The following ADARB1 variants were observed in gnomAD, a reference collection of about 807,000 sequenced individuals.
ADARB1 encodes the protein double-stranded RNA-specific editase 1.
Under a neutral mutation model 52.4 loss-of-function variants are expected in ADARB1, and 10 were observed. The observed-to-expected ratio is 0.19, with a 90% CI of 0.12 to 0.32. The LOEUF (loss-of-function observed/expected upper bound fraction) is 0.32. Among genes scored for constraint, ADARB1 ranks in the 10% least tolerant of loss-of-function variants. ADARB1 has a pLI of 1.00. For synonymous variants in ADARB1, 349 were observed against 371.1 expected, an observed-to-expected ratio of 0.94 and a Z score of 0.68; for missense variants, 643 against 922.3, an observed-to-expected ratio of 0.70 and a Z score of 3.92.
intron 8 of ADARB1, among the ~76,000 whole-genome samples, chr21:45,188,127 G>A (rs1231025165): frequency 6.6e-6 from 1 of 151,336 alleles, no homozygotes; most frequent in Non-Finnish European, 1.5e-5. Context: ...TTTTTTTTGA[G>A]ATGGAGTCTC....
chr21:45,190,008 G>A (rs1402672092), intron 8 of ADARB1, among the ~76,000 whole-genome samples: 3 of 152,058 alleles, frequency 2.0e-5, no homozygotes, highest in African/African-American at 2.4e-5. Context: ...GAAACTGTTA[G>A]CAATTATTTC....
chr21:45,221,980 G>A lies in ADARB1; in HGVS notation c.1927-38G>A. 1.3e-6 allele frequency: 2 copies of A among 1,597,236 alleles called. No homozygotes were observed. The highest frequency in any genetic ancestry group is 8.6e-7 in the Non-Finnish European group (1 of 1,166,270). The stretch of plus-strand genomic sequence containing the variant: ...TTAGGTGTTGTTTTCATCTGTTACA[G>A]CGTCAACAGTTGCATTTGTTTTTTT... On this transcript the variant is annotated intron_variant, in intron 10 of 10. Transcript: ENST00000348831. The surrounding 1 kb of genome is among the most constrained non-coding windows in gnomAD (Gnocchi z 4.9).
intron 8 of ADARB1, among the ~76,000 whole-genome samples, chr21:45,192,351 C>T (rs532830699): frequency 6.6e-6 from 1 of 152,266 alleles, no homozygotes; most frequent in East Asian, 1.9e-4. Flanking sequence ...ACCCCAATGC[C>T]TCTCATCTAA....
At position 45,124,314 on chromosome 21, in the gene ADARB1, T is replaced by C. The variant is rs564356953; in HGVS notation, c.-219-4088T>C. On this transcript the variant is annotated intron_variant, in intron 1 of 10. Coordinates refer to ENST00000348831, the MANE Select transcript of ADARB1 (RefSeq NM_001112.4). ...TGGAGTGTTCTTTCCAGGATGATTT[T>C]TGTTTACTGACTATAATCCATCCCT... is the stretch of plus-strand genomic sequence containing the variant. Among the ~76,000 whole-genome samples, 3 of 152,344 alleles carry C rather than the reference T, an allele frequency of 2.0e-5. No individual in the cohort carries two copies. In the South Asian group the frequency reaches 6.2e-4, roughly 32 times the overall value.
At chr21:45,186,262 C>A (rs1398212664) in intron 8 of ADARB1, among the ~76,000 whole-genome samples, 1 of 152,208 alleles carries the variant, frequency 6.6e-6, no homozygotes, top group Non-Finnish European at 1.5e-5. Context: ...GTTGCTCTAA[C>A]CAACAGCCAG....
intron 1 of ADARB1, among the ~76,000 whole-genome samples, chr21:45,105,850 C>G (rs973726577): frequency 2.6e-5 from 4 of 152,198 alleles, no homozygotes; most frequent in African/African-American, 9.6e-5. Context: ...ACTGTCCAGT[C>G]TTTATGCTTA....
intron 9 of ADARB1, among the ~76,000 whole-genome samples, chr21:45,210,660 G>A (rs553072176): frequency 2.8e-4 from 42 of 152,294 alleles, no homozygotes; most frequent in African/African-American, 9.1e-4. Flanking sequence ...AGCCGCAGCC[G>A]GCAGACACCA....
At chr21:45,219,715 G>A (rs892719115) in intron 9 of ADARB1, among the ~76,000 whole-genome samples, 4 of 152,156 alleles carry the variant, frequency 2.6e-5, no homozygotes, top group Non-Finnish European at 1.5e-5. Context: ...ATTTCCTCTC[G>A]AAACCCTCAC....
chr21:45,173,412 CAGTG>C lies in ADARB1; in HGVS notation c.28+1731_28+1734del, dbSNP rs541894229. Reference sequence around the variant, plus strand: ...TTTATGATAGTAGCATTTTCAGTGACAGTGAGAGTAGTATTTCAGTGTGCCCCTG... The same window carrying C: ...TTTATGATAGTAGCATTTTCAGTGACAGAGTAGTATTTCAGTGTGCCCCTG... On this transcript the variant is annotated intron_variant, in intron 3 of 10. Coordinates refer to ENST00000348831, the MANE Select transcript of ADARB1 (RefSeq NM_001112.4). 1.3e-3 allele frequency among the ~76,000 whole-genome samples: 198 copies of C among 152,156 alleles called. No homozygotes were observed. The Middle Eastern group carries it at 0.014, about 10-fold the overall frequency.
rs1172478042 is a variant in ADARB1 at position 45,224,469 on chromosome 21, A to T, written c.*2272A>T. 2.4e-6 allele frequency: 2 copies of T among 831,610 alleles called. No individual in the cohort carries two copies. The highest frequency in any genetic ancestry group is 1.2e-4 in the African/African-American group (2 of 16,002). 51.5% of individuals were successfully genotyped at this position (831,610 alleles called of 1,614,324 possible). ...CGTCCAGGCAGGAGGAAGGCAGCCA[A>T]GGCAACTGGGTTCTGGGAGCCCTGG... On this transcript the variant is annotated 3_prime_UTR_variant, in exon 11 of 11. Coordinates refer to ENST00000348831, the MANE Select transcript of ADARB1 (RefSeq NM_001112.4).
chr21:45,076,936 A>G (rs751717361), intron 1 of ADARB1, among the ~76,000 whole-genome samples: 10 of 152,220 alleles, frequency 6.6e-5, no homozygotes, highest in Non-Finnish European at 1.3e-4. Flanking sequence ...ATTTGTATTG[A>G]TAGATTTAAA....
chr21:45,120,108 C>G (rs1309208919), intron 1 of ADARB1, among the ~76,000 whole-genome samples: 1 of 152,158 alleles, frequency 6.6e-6, no homozygotes, highest in African/African-American at 2.4e-5. Context: ...CGTAATAATT[C>G]ACTTCGTAGG....
intron 8 of ADARB1, among the ~76,000 whole-genome samples, chr21:45,185,892 G>A (rs991158111): frequency 1.3e-5 from 2 of 152,316 alleles, no homozygotes; most frequent in South Asian, 2.1e-4. Context: ...TGATGCATAC[G>A]CATGTGCACG....
chr21:45,105,593 A>T (rs774663677), intron 1 of ADARB1, among the ~76,000 whole-genome samples: 3 of 152,268 alleles, frequency 2.0e-5, no homozygotes, highest in Non-Finnish European at 4.4e-5. Flanking sequence ...AAAACTCGTA[A>T]GTGCCCTAAG....
chr21:45,164,956 G>A (rs997271062), intron 2 of ADARB1, among the ~76,000 whole-genome samples: 1 of 152,154 alleles, frequency 6.6e-6, no homozygotes, highest in Non-Finnish European at 1.5e-5. Flanking sequence ...GAGGTGACAG[G>A]ATTTACACAT....
intron 1 of ADARB1, chr21:45,116,996 ATGT>A (rs907135450): frequency 2.0e-5 from 3 of 152,136 alleles, no homozygotes; most frequent in African/African-American, 7.2e-5. Flanking sequence ...TTGAAACAAG[ATGT>A]TGTACAAATT....
At chr21:45,219,209 T>C (rs557304738) in intron 9 of ADARB1, among the ~76,000 whole-genome samples, 39 of 152,344 alleles carry the variant, frequency 2.6e-4, no homozygotes, top group Admixed American at 2.5e-3. Flanking sequence ...GTGCTGATCC[T>C]AGCCATTTAG....
chr21:45,110,950 C>G (rs2145752922), intron 1 of ADARB1, among the ~76,000 whole-genome samples: 1 of 152,254 alleles, frequency 6.6e-6, no homozygotes, highest in East Asian at 1.9e-4. Flanking sequence ...GGGGATGGTG[C>G]TAGTGAGAGC....
chr21:45,137,708 G>A (rs114860774), intron 2 of ADARB1, among the ~76,000 whole-genome samples: 1,627 of 152,314 alleles, frequency 0.011, 20 homozygotes, highest in African/African-American at 0.037. Context: ...TGGGTGTGGA[G>A]GGGAGGAAGC....
Sources: allele counts gnomAD v4.1 joint callset (sites outside exome capture counted in the v4.1 genomes callset), GRCh38; gene constraint gnomAD v4.1.1; non-coding constraint Gnocchi (gnomAD v3.1); transcripts MANE v1.5; gene names NCBI Gene and HGNC (gene_info 2026-07-23, HGNC 2026-07-21).